The following KIF26B variants were observed in gnomAD, a reference collection of about 807,000 sequenced individuals.
KIF26B encodes kinesin family member 26B.
In KIF26B, 63 loss-of-function variants were observed where a neutral mutation model predicts 151.2. The ratio of observed to expected loss-of-function variants is 0.42; its 90% confidence interval spans 0.34 to 0.51. The LOEUF (loss-of-function observed/expected upper bound fraction) is 0.51. KIF26B is among the 20% of genes least tolerant of loss of function. KIF26B has a pLI of 0.07. For synonymous variants in KIF26B, 1,357 were observed against 1,262.1 expected, an observed-to-expected ratio of 1.08 and a Z score of -1.59; for missense variants, 2,813 against 2,913.6, an observed-to-expected ratio of 0.97 and a Z score of 0.79.
At chr1:245,469,213 G>A (rs952524995) in intron 4 of KIF26B, among the ~76,000 whole-genome samples, 1 of 152,110 alleles carries the variant, frequency 6.6e-6, no homozygotes, top group Non-Finnish European at 1.5e-5. Flanking sequence ...CCTGCACTGT[G>A]GCATCCAGAG....
At position 245,227,244 on chromosome 1, in the gene KIF26B, C is replaced by G. The variant is rs1669894957; in HGVS notation, c.465+70561C>G. On this transcript the variant is annotated intron_variant, in intron 2 of 14. Coordinates refer to ENST00000407071, the MANE Select transcript of KIF26B (RefSeq NM_018012.4). The surrounding 1 kb of genome is among the most constrained non-coding windows in gnomAD (Gnocchi z 4.1). ...GAAAACTGGATTAAGCCAGGATTTG[C>G]TTACCTGGAAGGTCCAGAAAGAAAT... Among the ~76,000 whole-genome samples the G allele has an allele frequency of 6.6e-6, 1 of 152,178 alleles. No individual in the cohort carries two copies. Among genetic ancestry groups the G allele is most frequent in the Non-Finnish European group, 1.5e-5 (1 of 68,030 alleles).
At chr1:245,339,844 A>T (rs1040364908) in intron 2 of KIF26B, among the ~76,000 whole-genome samples, 2 of 152,212 alleles carry the variant, frequency 1.3e-5, no homozygotes, top group Non-Finnish European at 2.9e-5. Flanking sequence ...CTGAGTGTGG[A>T]TTATGACAGT....
chr1:245,462,208 ATGG>A (rs1412207309), intron 4 of KIF26B, among the ~76,000 whole-genome samples: 1 of 152,210 alleles, frequency 6.6e-6, no homozygotes, highest in Non-Finnish European at 1.5e-5. Flanking sequence ...TTGACTGGTA[ATGG>A]TGGAAGGATT....
At chr1:245,439,346 CA>C (rs777808376) in intron 4 of KIF26B, among the ~76,000 whole-genome samples, 2,698 of 131,698 alleles carry the variant, frequency 0.02, 72 homozygotes, top group African/African-American at 0.063. Flanking sequence ...GACCCTGTCT[CA>C]AAAAAAAAAA....
At chr1:245,624,442 A>C (rs1222775396) in intron 9 of KIF26B, among the ~76,000 whole-genome samples, 5 of 152,106 alleles carry the variant, frequency 3.3e-5, no homozygotes, top group Admixed American at 2.6e-4. Flanking sequence ...TCAGTCTTTT[A>C]AGTTTTGCCT....
chr1:245,689,628 C>G (rs2044597106), intron 12 of KIF26B, among the ~76,000 whole-genome samples: 1 of 152,144 alleles, frequency 6.6e-6, no homozygotes, highest in Admixed American at 6.5e-5. Context: ...CGTGATCTTG[C>G]CAAACTGCAA....
intron 4 of KIF26B, among the ~76,000 whole-genome samples, chr1:245,492,394 C>T (rs1297611636): frequency 6.6e-6 from 1 of 152,184 alleles, no homozygotes; most frequent in African/African-American, 2.4e-5. Flanking sequence ...GGAAGAGGTT[C>T]TCTTAAATAC....
intron 9 of KIF26B, among the ~76,000 whole-genome samples, chr1:245,626,905 T>TA (rs1369673458): frequency 6.6e-6 from 1 of 152,206 alleles, no homozygotes; most frequent in South Asian, 2.1e-4. Flanking sequence ...AGTGGATTTT[T>TA]ATATATGGTA....
At chr1:245,695,614 G>A (rs1336276948) in intron 12 of KIF26B, among the ~76,000 whole-genome samples, 1 of 152,216 alleles carries the variant, frequency 6.6e-6, no homozygotes, top group Non-Finnish European at 1.5e-5. Flanking sequence ...ACTTCACCTT[G>A]AGAGGGATCG....
At chr1:245,353,190 G>T (rs534300274) in intron 2 of KIF26B, among the ~76,000 whole-genome samples, 5 of 152,180 alleles carry the variant, frequency 3.3e-5, no homozygotes, top group Non-Finnish European at 7.3e-5. Flanking sequence ...CTAGGCTCCT[G>T]TGTGTTGGAA....
intron 10 of KIF26B, among the ~76,000 whole-genome samples, 168 bp downstream of exon 10, chr1:245,646,448 C>T (rs1266164259): frequency 2.6e-5 from 4 of 152,170 alleles, no homozygotes; most frequent in African/African-American, 9.7e-5. Context: ...CATGATCTCC[C>T]AAATTCAAAA....
chr1:245,470,681 C>T (rs369216688), intron 4 of KIF26B, among the ~76,000 whole-genome samples: 10 of 152,112 alleles, frequency 6.6e-5, no homozygotes, highest in Non-Finnish European at 1.3e-4. Flanking sequence ...CTGCCCGCCT[C>T]GGCCTCCCAA....
rs140902772 is a variant in KIF26B at position 245,686,325 on chromosome 1, G to C, written c.3342G>C (p.Ala1114=). ...LPPSSKDSGV[A]SRESLLQPEV... is the part of the protein sequence containing the mutation. The stretch of plus-strand genomic sequence containing the variant: ...CCTCGAGCAAGGATTCCGGCGTGGC[G>C]TCTAGGGAGTCCTTGCTGCAGCCCG... The change falls in exon 12 of 15, where the codon GCG becomes GCC. Residue 1114 remains alanine, a synonymous_variant. Transcript: ENST00000407071. This position sits in a 1 kb window ranked among gnomAD's most constrained non-coding sequence, Gnocchi z 5.6. The C allele has an allele frequency of 3.1e-6, 5 of 1,613,188 alleles. No individual in the cohort carries two copies. The highest frequency in any genetic ancestry group is 3.4e-6 in the Non-Finnish European group (4 of 1,179,846).
chr1:245,301,642 T>A (rs144572456), intron 2 of KIF26B, among the ~76,000 whole-genome samples: 1 of 152,312 alleles, frequency 6.6e-6, no homozygotes, highest in Non-Finnish European at 1.5e-5. Context: ...TCAGATGGGC[T>A]TTGTTCTCTG....
intron 2 of KIF26B, among the ~76,000 whole-genome samples, chr1:245,356,900 G>C (rs775710454): frequency 6.6e-6 from 1 of 152,190 alleles, no homozygotes; most frequent in South Asian, 2.1e-4. Context: ...GGAAGGCCTC[G>C]TTGAAAAGGT....
Position 245,572,585 on chromosome 1 carries a change from G to A in KIF26B, c.1351-29992G>A, listed in dbSNP as rs2043076146. Among the ~76,000 whole-genome samples the A allele has an allele frequency of 6.6e-6, 1 of 152,050 alleles. No homozygotes were observed. Among genetic ancestry groups the A allele is most frequent in the Non-Finnish European group, 1.5e-5 (1 of 68,012 alleles). ...TGCAGTGGGAAATTTTATGTTATGT[G>A]AATTTTATCTCATGATTAAAATTAA... On this transcript the variant is annotated intron_variant, in intron 5 of 14. Transcript: ENST00000407071. This position sits in a 1 kb window ranked among gnomAD's most constrained non-coding sequence, Gnocchi z 4.2.
chr1:245,164,417 G>T (rs1172639490), intron 2 of KIF26B, among the ~76,000 whole-genome samples: 1 of 152,126 alleles, frequency 6.6e-6, no homozygotes, highest in Non-Finnish European at 1.5e-5. Context: ...CTGTTTATGT[G>T]CCAGTTCTAG....
At chr1:245,437,159 T>A (rs1417257653) in intron 4 of KIF26B, among the ~76,000 whole-genome samples, 2 of 152,176 alleles carry the variant, frequency 1.3e-5, no homozygotes, top group African/African-American at 4.8e-5. Context: ...AGTGCTGGGA[T>A]TACAGGCATG....
chr1:245,165,758 C>T (rs1216814730), intron 2 of KIF26B, among the ~76,000 whole-genome samples: 1 of 152,100 alleles, frequency 6.6e-6, no homozygotes, highest in Non-Finnish European at 1.5e-5. Flanking sequence ...AGCTTCAGGG[C>T]ATAGGGGTGA....
Sources: gnomAD v4.1 joint callset for allele counts (sites outside exome capture counted in the v4.1 genomes callset) on GRCh38, gnomAD v4.1.1 for gene constraint, Gnocchi (gnomAD v3.1) non-coding constraint, MANE v1.5 for transcripts, NCBI Gene and HGNC (gene_info 2026-07-23, HGNC 2026-07-21) for gene names.